The following DNAH14 variants were observed in gnomAD, a reference collection of about 807,000 sequenced individuals.
The protein encoded by DNAH14 is dynein axonemal heavy chain 14.
Under a neutral mutation model 520.9 loss-of-function variants are expected in DNAH14, and 478 were observed. The ratio of observed to expected loss-of-function variants is 0.92; its 90% CI spans 0.85 to 0.99. The LOEUF is 0.99. Among genes scored for constraint, DNAH14 ranks in the 50% least tolerant of loss-of-function variants. DNAH14 has a pLI of 0.00. For missense variants in DNAH14, 4,831 were observed against 5,234.5 expected (o/e 0.92, Z 2.38); for synonymous variants, 1,581 against 1,757.2 (o/e 0.90, Z 2.51).
chr1:225,098,067 C>A (rs576264037), intron 22 of DNAH14, among the ~76,000 whole-genome samples: 1 of 152,020 alleles, frequency 6.6e-6, no homozygotes, highest in Non-Finnish European at 1.5e-5. Flanking sequence ...GTAGCACATG[C>A]CTGTGGTCCC....
At chr1:224,958,044 C>T (rs1207475337) in intron 3 of DNAH14, among the ~76,000 whole-genome samples, 3 of 152,028 alleles carry the variant, frequency 2.0e-5, no homozygotes, top group African/African-American at 7.2e-5. Flanking sequence ...CAGACACCTC[C>T]TTTACTAAGT....
chr1:224,936,564 A>C (rs1327596647), intron 1 of DNAH14, among the ~76,000 whole-genome samples: 1 of 151,894 alleles, frequency 6.6e-6, no homozygotes, highest in Non-Finnish European at 1.5e-5. Flanking sequence ...TAACAAGTTC[A>C]AAGCTGTAAT....
chr1:225,201,186 A>G lies in DNAH14; in HGVS notation c.5887-2997A>G, dbSNP rs996732050. On this transcript the variant is annotated intron_variant, in intron 38 of 85. Transcript: ENST00000682510. The stretch of plus-strand genomic sequence containing the variant: ...ATTTTCCAGAGAATTTTGCATTTCT[A>G]TAAGTGCATCCACTGTTTCCTGAAG... Among the ~76,000 whole-genome samples, 5 of 151,932 alleles carry G rather than the reference A, an allele frequency of 3.3e-5. No individual in the cohort carries two copies. The East Asian group carries it at 7.8e-4, about 24-fold the overall frequency.
chr1:224,990,583 T>G (rs1296837520), intron 8 of DNAH14, among the ~76,000 whole-genome samples: 1 of 152,240 alleles, frequency 6.6e-6, no homozygotes, highest in African/African-American at 2.4e-5. Flanking sequence ...CCTGGCTTAT[T>G]TAACTTAGCA....
At chr1:225,276,575 T>C (rs932755233) in intron 53 of DNAH14, among the ~76,000 whole-genome samples, 1 of 152,050 alleles carries the variant, frequency 6.6e-6, no homozygotes, top group African/African-American at 2.4e-5. Context: ...CTCCTACCAC[T>C]TATCCTACTT....
rs1450957747 is a variant in DNAH14 at position 225,303,260 on chromosome 1, C to T, written c.8736C>T (p.Ile2912=). 13 of 1,551,336 alleles carry T rather than the reference C, an allele frequency of 8.4e-6. No homozygotes were observed. Among genetic ancestry groups the T allele is most frequent in the Middle Eastern group, 1.7e-4 (1 of 6,012 alleles). Residue 2912 remains isoleucine (I), a synonymous_variant, in exon 57 of 86, where the codon ATC becomes ATT. Transcript: ENST00000682510. ...CTTCTATGATTAGCTCCTGCACGAT[C>T]GATTGGTATGAGAGGTGGCCAGAAG... The part of the protein sequence containing the change: ...VYPSMISSCT[I]DWYERWPEEA...
At position 225,194,770 on chromosome 1, in the gene DNAH14, G is replaced by A. The variant is rs76164991; in HGVS notation, c.5886+1859G>A. Reference sequence around the variant, plus strand: ...GAAAATATTTGCAAACTGTGTATCCGATAAAAATCTAATATCTGGAATCCA... The same window carrying A: ...GAAAATATTTGCAAACTGTGTATCCAATAAAAATCTAATATCTGGAATCCA... On this transcript the variant is annotated intron_variant, in intron 38 of 85. Coordinates refer to ENST00000682510, the MANE Select transcript of DNAH14 (RefSeq NM_001367479.1). Among the ~76,000 whole-genome samples, 2,464 of 151,740 alleles carry A rather than the reference G, an allele frequency of 0.016. 183 individuals carry two copies. In the East Asian group the frequency reaches 0.22, roughly 14 times the overall value.
chr1:225,014,589 T>A (rs1321724971), intron 10 of DNAH14, among the ~76,000 whole-genome samples: 1 of 152,150 alleles, frequency 6.6e-6, no homozygotes, highest in Non-Finnish European at 1.5e-5. Flanking sequence ...CATGTTTAAT[T>A]TTCATGTATT....
At chr1:225,276,282 A>G (rs10082304) in intron 53 of DNAH14, among the ~76,000 whole-genome samples, 16,870 of 152,198 alleles carry the variant, frequency 0.11, 1,443 homozygotes, top group East Asian at 0.24. Flanking sequence ...TTAAAGCAGA[A>G]CATTAGAAGT....
chr1:225,272,795 C>CATCAAAGCTTCAG (rs1283071534), intron 51 of DNAH14, among the ~76,000 whole-genome samples, 160 bp from the exon 52 acceptor site: 2 of 152,150 alleles, frequency 1.3e-5, no homozygotes, highest in African/African-American at 4.8e-5. Context: ...TTTCCCATCT[C>CATCAAAGCTTCAG]ATCAAAGCTT....
At chr1:225,012,521 C>G (rs2064866126) in intron 10 of DNAH14, among the ~76,000 whole-genome samples, 1 of 152,054 alleles carries the variant, frequency 6.6e-6, no homozygotes, top group African/African-American at 2.4e-5. Context: ...GGGAAGTTCT[C>G]TCTTGCTAGA....
chr1:225,080,430 G>T lies in DNAH14; in HGVS notation c.2818G>T (p.Glu940Ter), dbSNP rs765873565. Residue 940 changes from glutamate to a stop codon, truncating the protein, a stop_gained, in exon 19 of 86, where the codon GAA becomes TAA. Coordinates refer to ENST00000682510, the MANE Select transcript of DNAH14 (RefSeq NM_001367479.1). LOFTEE classifies it high-confidence loss of function. ...TGGTACTCAAGTGTCAACAGCAATG[G>T]AAATGATCCAGACTCTCTCAGGGGA... The part of the protein sequence containing the change: ...CAGTQVSTAM[E>*]MIQTLSGEAA... 6 of 1,550,900 alleles carry T rather than the reference G, an allele frequency of 3.9e-6. No individual in the cohort carries two copies. Among genetic ancestry groups the T allele is most frequent in the Non-Finnish European group, 5.2e-6 (6 of 1,146,618 alleles).
At chr1:225,162,190 CAA>C (rs2081579967) in intron 35 of DNAH14, among the ~76,000 whole-genome samples, 2 of 152,208 alleles carry the variant, frequency 1.3e-5, no homozygotes, top group African/African-American at 4.8e-5. Flanking sequence ...TTATGTATGA[CAA>C]GAGATAGGGG....
At chr1:225,097,283 G>A (rs936742628) in intron 22 of DNAH14, 44 bp downstream of exon 22, 10 of 1,472,196 alleles carry the variant, frequency 6.8e-6, no homozygotes, top group Middle Eastern at 1.9e-4. Context: ...AAAATGCATT[G>A]TGAGTAATTT....
intron 31 of DNAH14, among the ~76,000 whole-genome samples, chr1:225,151,263 CCT>C (rs1220737354): frequency 6.6e-6 from 1 of 151,998 alleles, no homozygotes; most frequent in Non-Finnish European, 1.5e-5. Context: ...TTGTGGCTTT[CCT>C]CTCATGGATT....
intron 83 of DNAH14, among the ~76,000 whole-genome samples, chr1:225,390,993 A>C (rs2095903045): frequency 6.6e-6 from 1 of 152,190 alleles, no homozygotes; most frequent in African/African-American, 2.4e-5. Flanking sequence ...AGCCTGACTT[A>C]AAAAGTTGAG....
intron 54 of DNAH14, among the ~76,000 whole-genome samples, chr1:225,281,992 G>A (rs2093637148): frequency 6.6e-6 from 1 of 151,098 alleles, no homozygotes; most frequent in African/African-American, 2.4e-5. Context: ...CGGTAACTAT[G>A]TAAAGATAGT....
intron 35 of DNAH14, among the ~76,000 whole-genome samples, chr1:225,162,141 G>T (rs1048681064): frequency 7.2e-5 from 11 of 152,092 alleles, no homozygotes; most frequent in Admixed American, 7.2e-4. Flanking sequence ...ATAATTTGAG[G>T]TCTTAGATTT....
At chr1:225,277,998 C>G (rs1204641977) in intron 54 of DNAH14, among the ~76,000 whole-genome samples, 2 of 151,944 alleles carry the variant, frequency 1.3e-5, no homozygotes, top group Non-Finnish European at 2.9e-5. Context: ...TTATTTATGA[C>G]TAGTTGTTTA....
Sources: allele counts gnomAD v4.1 joint callset (sites outside exome capture counted in the v4.1 genomes callset), GRCh38; gene constraint gnomAD v4.1.1; transcripts MANE v1.5; gene names NCBI Gene and HGNC (gene_info 2026-07-23, HGNC 2026-07-21).